The following NTNG1 variants were observed in gnomAD, a reference collection of about 807,000 sequenced individuals.
The protein encoded by NTNG1 is netrin G1, also known as netrin-G1.
A neutral mutation model predicts 54.0 loss-of-function variants in NTNG1; 16 were observed. That is an observed-to-expected ratio of 0.30 (90% confidence interval 0.20 to 0.45). The LOEUF is 0.45. NTNG1 is among the 20% of genes least tolerant of loss of function. The pLI, the probability that NTNG1 is intolerant of heterozygous loss-of-function variation, is 1.00. For synonymous variants in NTNG1, 255 were observed against 263.1 expected (o/e 0.97, Z 0.30); for missense variants, 530 against 678.7 (o/e 0.78, Z 2.43).
In NTNG1 at chr1:107,483,765, C is replaced by T. The variant is rs750323220; in HGVS notation, c.*2925C>T. Among the ~76,000 whole-genome samples, 30 of 152,164 alleles carry T rather than the reference C, an allele frequency of 2.0e-4. No homozygotes were observed. Among genetic ancestry groups the T allele is most frequent in the Non-Finnish European group, 4.3e-4 (29 of 68,042 alleles). ...AATCTATCAACTTTCCCACATAGAA[C>T]TGATATAATTCCTTCTATCAATAAT... On this transcript the variant is annotated 3_prime_UTR_variant, in exon 8 of 8. Transcript: ENST00000370068.
At chr1:107,340,110 T>C (rs1385302200) in intron 3 of NTNG1, among the ~76,000 whole-genome samples, 1 of 152,110 alleles carries the variant, frequency 6.6e-6, no homozygotes, top group African/African-American at 2.4e-5. Context: ...ATTATCTCCA[T>C]ATGTTATCTT....
chr1:107,207,197 A>T (rs1659261624), intron 2 of NTNG1, among the ~76,000 whole-genome samples: 2 of 152,106 alleles, frequency 1.3e-5, no homozygotes, highest in Admixed American at 1.3e-4. Context: ...CAGCTTTGTT[A>T]TCCTCTATAA....
intron 2 of NTNG1, among the ~76,000 whole-genome samples, chr1:107,255,713 G>A (rs1169625750): frequency 6.6e-6 from 1 of 152,128 alleles, no homozygotes; most frequent in East Asian, 1.9e-4. Flanking sequence ...TGAGACTATT[G>A]TGGGGATAAA....
In NTNG1 at chr1:107,405,797, A is replaced by C. The variant is rs537398499; in HGVS notation, c.1061-1885A>C. On this transcript the variant is annotated intron_variant, in intron 4 of 7. Coordinates refer to ENST00000370068, the MANE Select transcript of NTNG1 (RefSeq NM_001113226.3). The stretch of plus-strand genomic sequence containing the variant: ...GGAGCAGGATTTTCAATCATGGAAA[A>C]ATTTGGAACTTCTGCAATTGATACT... 5.9e-5 allele frequency among the ~76,000 whole-genome samples: 9 copies of C among 152,260 alleles called. No individual in the cohort carries two copies. The East Asian group carries it at 1.7e-3, about 29-fold the overall frequency.
At position 107,466,581 on chromosome 1, in the gene NTNG1, G is replaced by A. The variant is rs143812641; in HGVS notation, c.1391-14030G>A. On this transcript the variant is annotated intron_variant, in intron 7 of 7. Transcript: ENST00000370068. The stretch of plus-strand genomic sequence containing the variant: ...GTTAGGACAAGATATTTTAAAGCAC[G>A]TCATGTGATTAGTCTTTAACAAGTC... 1.7e-3 allele frequency among the ~76,000 whole-genome samples: 257 copies of A among 152,290 alleles called. 1 individual carries two copies. Among genetic ancestry groups the A allele is most frequent in the African/African-American group, 6.0e-3 (250 of 41,562 alleles).
chr1:107,343,461 G>T (rs1368969140), intron 3 of NTNG1, among the ~76,000 whole-genome samples: 1 of 151,698 alleles, frequency 6.6e-6, no homozygotes, highest in Non-Finnish European at 1.5e-5. Flanking sequence ...CAAATGCAAG[G>T]TATGATTATT....
chr1:107,471,385 A>G (rs1020160949), intron 7 of NTNG1, among the ~76,000 whole-genome samples: 1 of 152,130 alleles, frequency 6.6e-6, no homozygotes, highest in Non-Finnish European at 1.5e-5. Flanking sequence ...AAGCAAGGGC[A>G]TTTTCACATG....
chr1:107,360,072 T>C (rs946582775), intron 3 of NTNG1, among the ~76,000 whole-genome samples: 7 of 152,202 alleles, frequency 4.6e-5, no homozygotes, highest in African/African-American at 1.7e-4. Context: ...TGTTGTCTTA[T>C]ACAGGGTCTG....
At chr1:107,426,449 G>T (rs1325649979) in intron 5 of NTNG1, among the ~76,000 whole-genome samples, 1 of 151,942 alleles carries the variant, frequency 6.6e-6, no homozygotes, top group Admixed American at 6.6e-5. Context: ...GCTTAGTTTT[G>T]TCCACTTTAT....
At chr1:107,301,120 T>G (rs1666286542) in intron 2 of NTNG1, among the ~76,000 whole-genome samples, 1 of 152,198 alleles carries the variant, frequency 6.6e-6, no homozygotes, top group Non-Finnish European at 1.5e-5. Context: ...AAGACTTATC[T>G]ATGAACAAAT....
chr1:107,208,149 G>A lies in NTNG1; in HGVS notation c.246+59310G>A, dbSNP rs544626477. Among the ~76,000 whole-genome samples, 7 of 152,202 alleles carry A rather than the reference G, an allele frequency of 4.6e-5. No homozygotes were observed. The South Asian group carries it at 1.4e-3, about 32-fold the overall frequency. On this transcript the variant is annotated intron_variant, in intron 2 of 7. Coordinates refer to ENST00000370068, the MANE Select transcript of NTNG1 (RefSeq NM_001113226.3). ...CTGATTCATGCAGAAATGGAGGGAG[G>A]GTGGGCATGGTGGCTCATGCCTGTA...
At chr1:107,311,591 C>A (rs1257130744) in intron 2 of NTNG1, among the ~76,000 whole-genome samples, 5 of 152,074 alleles carry the variant, frequency 3.3e-5, no homozygotes, top group African/African-American at 9.7e-5. Flanking sequence ...ATGGTTAGTT[C>A]TTTAAGCTTG....
At chr1:107,166,813 C>T (rs1655830511) in intron 2 of NTNG1, among the ~76,000 whole-genome samples, 1 of 152,014 alleles carries the variant, frequency 6.6e-6, no homozygotes, top group East Asian at 1.9e-4. Flanking sequence ...CTATCAAAAA[C>T]GTTCTAGAGA....
intron 2 of NTNG1, among the ~76,000 whole-genome samples, chr1:107,271,797 A>C: frequency 6.6e-6 from 1 of 152,222 alleles, no homozygotes. Context: ...GCTTTGCAGA[A>C]TAACACTCCA....
At chr1:107,242,991 T>C (rs2101586571) in intron 2 of NTNG1, among the ~76,000 whole-genome samples, 1 of 152,346 alleles carries the variant, frequency 6.6e-6, no homozygotes, top group East Asian at 1.9e-4. Context: ...TTTTGATTAC[T>C]TAGAGGTAAG....
intron 2 of NTNG1, among the ~76,000 whole-genome samples, chr1:107,241,928 G>A (rs1027455628): frequency 6.6e-6 from 1 of 152,104 alleles, no homozygotes; most frequent in Non-Finnish European, 1.5e-5. Flanking sequence ...GCTCACAGAC[G>A]TTTTAGTTAA....
At chr1:107,321,770 T>C (rs1667674066) in intron 2 of NTNG1, among the ~76,000 whole-genome samples, 1 of 152,134 alleles carries the variant, frequency 6.6e-6, no homozygotes. Context: ...TGAACTTATT[T>C]GGTCTTAGAC....
intron 3 of NTNG1, among the ~76,000 whole-genome samples, chr1:107,378,249 C>T (rs535225574): frequency 9.2e-5 from 14 of 152,330 alleles, no homozygotes; most frequent in African/African-American, 2.4e-4. Context: ...AGAAGCACTC[C>T]TTCTCCCAGC....
chr1:107,288,266 T>G (rs929765843), intron 2 of NTNG1, among the ~76,000 whole-genome samples: 2 of 152,088 alleles, frequency 1.3e-5, no homozygotes, highest in Non-Finnish European at 2.9e-5. Flanking sequence ...TAACTCAAAC[T>G]TGGAAACACA....
Sources: allele counts gnomAD v4.1 joint callset (sites outside exome capture counted in the v4.1 genomes callset), GRCh38; gene constraint gnomAD v4.1.1; transcripts MANE v1.5; gene names NCBI Gene and HGNC (gene_info 2026-07-23, HGNC 2026-07-21).